Variants in EHBP1 observed in about 807,000 individuals in gnomAD.
The protein encoded by EHBP1 is EH domain binding protein 1.
Under a neutral mutation model 144.0 loss-of-function variants are expected in EHBP1, and 55 were observed. That is an observed-to-expected ratio of 0.38 (90% confidence interval 0.31 to 0.48). The LOEUF (loss-of-function observed/expected upper bound fraction) is 0.48, where lower values mean the gene tolerates loss of function less well. Among genes scored for constraint, EHBP1 ranks in the 20% least tolerant of loss-of-function variants. The probability of loss-of-function intolerance (pLI) is 0.98; values close to 1 mark genes in which losing one functional copy is unlikely to be tolerated. For missense variants in EHBP1, 1,200 were observed against 1,364.2 expected, an observed-to-expected ratio of 0.88 and a Z score of 1.90; for synonymous variants, 469 against 472.7, an observed-to-expected ratio of 0.99 and a Z score of 0.10.
chr2:63,005,240 C>T (rs979857106), intron 19 of EHBP1, among the ~76,000 whole-genome samples: 1 of 152,036 alleles, frequency 6.6e-6, no homozygotes, highest in African/African-American at 2.4e-5. Flanking sequence ...AATCTGAATT[C>T]GTTTTGCCCA....
intron 10 of EHBP1, among the ~76,000 whole-genome samples, chr2:62,891,710 T>C (rs1481853013): frequency 6.6e-6 from 1 of 152,156 alleles, no homozygotes; most frequent in East Asian, 1.9e-4. Context: ...AGCGCTATTA[T>C]CATTAAAGGT....
chr2:62,740,351 T>A (rs556183670), intron 2 of EHBP1, among the ~76,000 whole-genome samples: 11 of 152,354 alleles, frequency 7.2e-5, no homozygotes, highest in Non-Finnish European at 1.3e-4. Flanking sequence ...ACAATTTTTT[T>A]CCCTATTGAA....
chr2:63,015,285 T>C (rs1159236947), intron 19 of EHBP1, among the ~76,000 whole-genome samples: 1 of 152,196 alleles, frequency 6.6e-6, no homozygotes, highest in Non-Finnish European at 1.5e-5. Flanking sequence ...AAATCCTGTG[T>C]TAATGGGAGT....
At chr2:63,024,467 T>C (rs543047740) in intron 19 of EHBP1, among the ~76,000 whole-genome samples, 1 of 152,194 alleles carries the variant, frequency 6.6e-6, no homozygotes, top group Non-Finnish European at 1.5e-5. Flanking sequence ...CTCAGCATGG[T>C]GGCATGTGTT....
intron 5 of EHBP1, among the ~76,000 whole-genome samples, chr2:62,816,499 A>G (rs891649382): frequency 1.3e-5 from 2 of 152,178 alleles, no homozygotes; most frequent in Non-Finnish European, 2.9e-5. Flanking sequence ...AACCCTTGAG[A>G]ACTGTTAGTC....
intron 2 of EHBP1, among the ~76,000 whole-genome samples, chr2:62,721,521 G>A (rs1553375871): frequency 1.3e-5 from 2 of 152,204 alleles, no homozygotes. Flanking sequence ...CAAAGAATTT[G>A]AACATATGTT....
chr2:62,987,299 C>G (rs1435780330), intron 15 of EHBP1, among the ~76,000 whole-genome samples: 4 of 152,002 alleles, frequency 2.6e-5, no homozygotes, highest in Non-Finnish European at 5.9e-5. Context: ...TTCTCATTCC[C>G]GTATATTTAA....
At chr2:62,861,347 C>T (rs2049526428) in intron 8 of EHBP1, among the ~76,000 whole-genome samples, 1 of 151,474 alleles carries the variant, frequency 6.6e-6, no homozygotes, top group Admixed American at 6.6e-5. Flanking sequence ...CCAGGATGGT[C>T]TCGATTTCCT....
intron 19 of EHBP1, among the ~76,000 whole-genome samples, chr2:63,018,594 A>G (rs1043696060): frequency 5.9e-5 from 9 of 152,188 alleles, no homozygotes; most frequent in African/African-American, 2.2e-4. Flanking sequence ...GGATGCCCCA[A>G]CTTTTTACTA....
At chr2:63,027,184 T>C (rs2061018830) in intron 19 of EHBP1, among the ~76,000 whole-genome samples, 1 of 152,216 alleles carries the variant, frequency 6.6e-6, no homozygotes, top group Non-Finnish European at 1.5e-5. Context: ...CATTAAACAG[T>C]TGATGCTATT....
chr2:62,904,694 T>C (rs1309481299), intron 10 of EHBP1, among the ~76,000 whole-genome samples: 4 of 152,146 alleles, frequency 2.6e-5, no homozygotes, highest in African/African-American at 4.8e-5. Flanking sequence ...TATATCTCAC[T>C]TGAGATCTAA....
intron 14 of EHBP1, chr2:62,964,895 C>G (rs1015669976): frequency 1.3e-5 from 2 of 152,592 alleles, no homozygotes; most frequent in Admixed American, 6.5e-5. Context: ...TGCTATGGCC[C>G]CTTGGCATGA....
chr2:62,941,087 T>C (rs2056730648), intron 10 of EHBP1, among the ~76,000 whole-genome samples: 1 of 152,158 alleles, frequency 6.6e-6, no homozygotes, highest in Admixed American at 6.5e-5. Context: ...TAATTTGATA[T>C]AGAAAAACAT....
chr2:62,820,635 A>G (rs1432531177), intron 5 of EHBP1, among the ~76,000 whole-genome samples: 1 of 150,272 alleles, frequency 6.7e-6, no homozygotes, highest in East Asian at 1.9e-4. Flanking sequence ...TCCACTTACC[A>G]TAATGTCATC....
At chr2:62,745,086 A>C (rs560654804) in intron 2 of EHBP1, among the ~76,000 whole-genome samples, 1 of 152,286 alleles carries the variant, frequency 6.6e-6, no homozygotes, top group East Asian at 1.9e-4. Flanking sequence ...TGTATTATAT[A>C]GCTACTGGCT....
chr2:62,884,866 T>A (rs774957223), intron 10 of EHBP1, among the ~76,000 whole-genome samples: 54 of 152,218 alleles, frequency 3.5e-4, no homozygotes, highest in Non-Finnish European at 5.6e-4. Flanking sequence ...TAGTATACGA[T>A]ATTCTATTTA....
At position 63,022,316 on chromosome 2, in the gene EHBP1, C is replaced by T. The variant is rs907388684; in HGVS notation, c.3104-15219C>T. ...TTTCCTCCTTCCTCCTCCTCCTCCT[C>T]TTTCTTCTTTTTCTTTTTGACAGAA... On this transcript the variant is annotated intron_variant, in intron 19 of 22. Coordinates refer to ENST00000431489, the MANE Select transcript of EHBP1 (RefSeq NM_001142616.3). Among the ~76,000 whole-genome samples the T allele has an allele frequency of 1.1e-4, 17 of 151,932 alleles. 1 individual carries two copies. The highest frequency in any genetic ancestry group is 3.6e-4 in the African/African-American group (15 of 41,480).
intron 4 of EHBP1, among the ~76,000 whole-genome samples, chr2:62,767,727 T>G (rs1483029015): frequency 6.6e-6 from 1 of 150,934 alleles, no homozygotes; most frequent in Non-Finnish European, 1.5e-5. Context: ...TCCCAGCTAC[T>G]CAGGAGGTTG....
At chr2:62,789,138 A>T (rs185279043) in intron 5 of EHBP1, among the ~76,000 whole-genome samples, 1 of 152,338 alleles carries the variant, frequency 6.6e-6, no homozygotes, top group East Asian at 1.9e-4. Flanking sequence ...CATCAAGAAC[A>T]GATAGTATGG....
Sources: gnomAD v4.1 joint callset for allele counts (sites outside exome capture counted in the v4.1 genomes callset) on GRCh38, gnomAD v4.1.1 for gene constraint, MANE v1.5 for transcripts, NCBI Gene and HGNC (gene_info 2026-07-23, HGNC 2026-07-21) for gene names.